Variants in ARHGAP26 observed in about 807,000 individuals in gnomAD.
ARHGAP26 encodes the protein rho GTPase-activating protein 26.
In ARHGAP26, 38 loss-of-function variants were observed where a neutral mutation model predicts 104.8. The ratio of observed to expected loss-of-function variants is 0.36; its 90% CI spans 0.28 to 0.48. The LOEUF (loss-of-function observed/expected upper bound fraction) is 0.48, where lower values mean the gene tolerates loss of function less well. Ranked by LOEUF, ARHGAP26 falls within the 20% of genes least tolerant of loss-of-function variation. The pLI is 0.99. For missense variants in ARHGAP26, 704 were observed against 947.9 expected (o/e 0.74, Z 3.38); for synonymous variants, 341 against 340.0 (o/e 1.00, Z -0.03).
intron 14 of ARHGAP26, among the ~76,000 whole-genome samples, chr5:143,052,383 T>G (rs942573690): frequency 6.6e-6 from 1 of 151,724 alleles, no homozygotes; most frequent in Non-Finnish European, 1.5e-5. Flanking sequence ...GGCAGGAGAA[T>G]CGCTTGAACC....
chr5:143,178,526 C>G (rs1441093418), intron 20 of ARHGAP26, among the ~76,000 whole-genome samples: 1 of 152,224 alleles, frequency 6.6e-6, no homozygotes, highest in Non-Finnish European at 1.5e-5. Context: ...CTTTTAGGAT[C>G]CACTGAGTCC....
chr5:143,074,391 T>G lies in ARHGAP26; in HGVS notation c.1538+16644T>G, dbSNP rs184206478. On this transcript the variant is annotated intron_variant, in intron 17 of 22. Transcript: ENST00000645722. ...TTTCAGTCTGTCTGGTATCCTGGCCTTTTTCCATTAATCTCTCTGCCCAGG... is the reference window on the plus strand; with the variant it reads ...TTTCAGTCTGTCTGGTATCCTGGCCGTTTTCCATTAATCTCTCTGCCCAGG... 1.4e-3 allele frequency among the ~76,000 whole-genome samples: 218 copies of G among 152,336 alleles called. 2 individuals are homozygous for G. Among genetic ancestry groups the G allele is most frequent in the African/African-American group, 5.0e-3 (207 of 41,582 alleles).
intron 1 of ARHGAP26, among the ~76,000 whole-genome samples, chr5:142,816,168 T>C (rs543578482): frequency 6.6e-6 from 1 of 152,302 alleles, no homozygotes; most frequent in East Asian, 1.9e-4. Context: ...TGTACACTCA[T>C]TTGGGTACAA....
chr5:143,000,082 A>G (rs1251463736), intron 11 of ARHGAP26, among the ~76,000 whole-genome samples: 1 of 152,218 alleles, frequency 6.6e-6, no homozygotes, highest in African/African-American at 2.4e-5. Flanking sequence ...CCATTAGAAC[A>G]GCTAAAAGTA....
chr5:142,957,489 T>TTGTA (rs1281685576), intron 11 of ARHGAP26, among the ~76,000 whole-genome samples: 2 of 152,208 alleles, frequency 1.3e-5, no homozygotes, highest in Admixed American at 6.5e-5. Flanking sequence ...GTTAGGGGAT[T>TTGTA]CACTTTGTGG....
intron 12 of ARHGAP26, among the ~76,000 whole-genome samples, chr5:143,023,113 C>G (rs1354153248): frequency 4.6e-5 from 7 of 152,228 alleles, no homozygotes; most frequent in African/African-American, 7.2e-5. Flanking sequence ...GTGTGGCCCA[C>G]CACTCTCCCA....
intron 20 of ARHGAP26, among the ~76,000 whole-genome samples, chr5:143,149,181 TCTGGGGGGCTTTC>T (rs1799515334): frequency 6.6e-6 from 1 of 152,080 alleles, no homozygotes; most frequent in African/African-American, 2.4e-5. Flanking sequence ...CTGGTACAGA[TCTGGGGGGCTTTC>T]CTGGGGAAGG....
At chr5:142,858,373 AG>A (rs1401068228) in intron 1 of ARHGAP26, among the ~76,000 whole-genome samples, 3 of 152,170 alleles carry the variant, frequency 2.0e-5, no homozygotes, top group African/African-American at 7.2e-5. Flanking sequence ...TAAGGAAGAA[AG>A]TGAGTGGGGA....
rs1414408846 is a variant in ARHGAP26 at position 143,012,548 on chromosome 5, C to CATATATATATATATAT, written c.1108-1529_1108-1528insTATATATATATATATA. ...CTGGAGGGATATATTTATATACATACATACATATATATATATATATATATA... is the reference window on the plus strand; with the variant it reads ...CTGGAGGGATATATTTATATACATACATATATATATATATATATACATATATATATATATATATATA... On this transcript the variant is annotated intron_variant, in intron 11 of 22. Transcript: ENST00000645722. Among the ~76,000 whole-genome samples the CATATATATATATATAT allele has an allele frequency of 4.3e-3, 100 of 23,240 alleles. 4 individuals carry two copies. The highest frequency in any genetic ancestry group is 6.8e-3 in the Non-Finnish European group (64 of 9,352). The allele number at this position is 23,240 out of a possible 152,430, so 15.2% of individuals were successfully genotyped here.
chr5:143,073,289 G>A (rs981472056), intron 17 of ARHGAP26, among the ~76,000 whole-genome samples: 2 of 152,136 alleles, frequency 1.3e-5, no homozygotes, highest in African/African-American at 4.8e-5. Context: ...AGTAACTTTG[G>A]CATGTAAGGA....
chr5:142,894,386 AT>A, intron 6 of ARHGAP26, 38 bp downstream of exon 6: 1 of 1,562,514 alleles, frequency 6.4e-7, no homozygotes, highest in Non-Finnish European at 8.8e-7. Flanking sequence ...GTACCCATAT[AT>A]TCATCCCTCA....
chr5:142,818,955 T>C (rs1006724945), intron 1 of ARHGAP26, among the ~76,000 whole-genome samples: 8 of 152,084 alleles, frequency 5.3e-5, no homozygotes, highest in Admixed American at 1.3e-4. Context: ...ACCCAGCTTC[T>C]AGCCTTCCTT....
At chr5:142,828,157 G>A (rs1394012670) in intron 1 of ARHGAP26, among the ~76,000 whole-genome samples, 1 of 152,098 alleles carries the variant, frequency 6.6e-6, no homozygotes, top group African/African-American at 2.4e-5. Context: ...GACCTCCCTG[G>A]GAGCCGCTGG....
chr5:142,882,501 C>T (rs1757145947), intron 4 of ARHGAP26, among the ~76,000 whole-genome samples: 1 of 152,238 alleles, frequency 6.6e-6, no homozygotes, highest in Admixed American at 6.5e-5. Flanking sequence ...TTGCTGTGCT[C>T]ATGAAGTAGC....
At chr5:142,935,813 T>G (rs1487549994) in intron 11 of ARHGAP26, among the ~76,000 whole-genome samples, 1 of 152,178 alleles carries the variant, frequency 6.6e-6, no homozygotes, top group Non-Finnish European at 1.5e-5. Context: ...CTCAGATGTA[T>G]GTTCCTTTAA....
chr5:142,928,747 G>A (rs1264166803), intron 10 of ARHGAP26, among the ~76,000 whole-genome samples: 1 of 152,192 alleles, frequency 6.6e-6, no homozygotes, highest in Admixed American at 6.5e-5. Flanking sequence ...TGTGAAGAGT[G>A]GGTGAATTAA....
chr5:143,188,359 G>A (rs753816035), intron 20 of ARHGAP26, among the ~76,000 whole-genome samples: 3 of 152,166 alleles, frequency 2.0e-5, no homozygotes, highest in African/African-American at 7.2e-5. Flanking sequence ...AGCTTCTTAG[G>A]CCCCAACCCT....
intron 11 of ARHGAP26, among the ~76,000 whole-genome samples, chr5:142,963,692 T>C (rs1414661321): frequency 6.6e-6 from 1 of 152,204 alleles, no homozygotes; most frequent in African/African-American, 2.4e-5. Flanking sequence ...CTCTTCTTTA[T>C]AAAATTAGCA....
chr5:142,802,353 C>G (rs1007390416), intron 1 of ARHGAP26, among the ~76,000 whole-genome samples: 2 of 152,078 alleles, frequency 1.3e-5, no homozygotes, highest in Middle Eastern at 3.2e-3. Context: ...GAGGTCCATG[C>G]GAAGTCAATT....
Sources: allele counts gnomAD v4.1 joint callset (sites outside exome capture counted in the v4.1 genomes callset), GRCh38; gene constraint gnomAD v4.1.1; transcripts MANE v1.5; gene names NCBI Gene and HGNC (gene_info 2026-07-23, HGNC 2026-07-21).